Variants in IKZF2 observed in about 807,000 individuals in gnomAD.
The protein encoded by IKZF2 is zinc finger protein Helios.
A neutral mutation model predicts 49.2 loss-of-function variants in IKZF2; 15 were observed. The ratio of observed to expected loss-of-function variants is 0.30; its 90% CI spans 0.20 to 0.47. IKZF2 has a LOEUF of 0.47. Among genes scored for constraint, IKZF2 ranks in the 20% least tolerant of loss-of-function variants. IKZF2 has a pLI of 1.00. For missense variants in IKZF2, 567 were observed against 664.6 expected, an observed-to-expected ratio of 0.85 and a Z score of 1.61; for synonymous variants, 227 against 221.4, an observed-to-expected ratio of 1.03 and a Z score of -0.23.
intron 5 of IKZF2, among the ~76,000 whole-genome samples, chr2:213,052,419 G>A (rs1254768461): frequency 6.6e-6 from 1 of 151,966 alleles, no homozygotes; most frequent in Non-Finnish European, 1.5e-5. Context: ...ATAAGGCTTT[G>A]GGAGATATTG....
intron 6 of IKZF2, among the ~76,000 whole-genome samples, chr2:213,043,421 C>A (rs1462719247): frequency 6.6e-6 from 1 of 151,916 alleles, no homozygotes; most frequent in Non-Finnish European, 1.5e-5. Context: ...TGATAAATAA[C>A]AATACAATAA....
intron 8 of IKZF2, among the ~76,000 whole-genome samples, chr2:213,012,748 A>G (rs535785808): frequency 6.6e-6 from 1 of 152,122 alleles, no homozygotes; most frequent in South Asian, 2.1e-4. Flanking sequence ...GTGTTTATTG[A>G]AGTAATGGAA....
intron 4 of IKZF2, among the ~76,000 whole-genome samples, chr2:213,116,881 T>C (rs1418145695): frequency 6.6e-6 from 1 of 152,204 alleles, no homozygotes; most frequent in Non-Finnish European, 1.5e-5. Flanking sequence ...CAAAAATGTT[T>C]ATTAAAAAAC....
At chr2:213,063,653 G>T (rs1412180899) in intron 4 of IKZF2, among the ~76,000 whole-genome samples, 5 of 151,944 alleles carry the variant, frequency 3.3e-5, no homozygotes, top group Non-Finnish European at 5.9e-5. Flanking sequence ...TGACTGCATT[G>T]TAGGAAGGGT....
intron 4 of IKZF2, among the ~76,000 whole-genome samples, chr2:213,137,519 A>T (rs905991546): frequency 8.5e-5 from 13 of 152,102 alleles, no homozygotes; most frequent in Non-Finnish European, 1.0e-4. Context: ...CATTTCTAAT[A>T]GAAATAGACC....
intron 4 of IKZF2, among the ~76,000 whole-genome samples, chr2:213,069,127 C>A (rs575373963): frequency 6.6e-6 from 1 of 152,130 alleles, no homozygotes; most frequent in East Asian, 1.9e-4. Flanking sequence ...GAGTTTCCTC[C>A]CCATCTGGGA....
intron 5 of IKZF2, among the ~76,000 whole-genome samples, chr2:213,055,870 G>T (rs1701102365): frequency 6.6e-6 from 1 of 152,004 alleles, no homozygotes; most frequent in Admixed American, 6.6e-5. Flanking sequence ...TAAATTTATT[G>T]TGATTTATAT....
chr2:213,027,485 G>A (rs67863749), intron 6 of IKZF2, among the ~76,000 whole-genome samples: 33,612 of 151,976 alleles, frequency 0.22, 4,095 homozygotes, highest in Non-Finnish European at 0.26. Flanking sequence ...TCAGAGTCCA[G>A]AACAATGTCA....
At chr2:213,035,786 T>A (rs1698962759) in intron 6 of IKZF2, among the ~76,000 whole-genome samples, 1 of 152,168 alleles carries the variant, frequency 6.6e-6, no homozygotes, top group Non-Finnish European at 1.5e-5. Flanking sequence ...ATAAAAGCAA[T>A]GGAAAACCAT....
chr2:213,151,139 T>A (rs572135508), intron 1 of IKZF2, among the ~76,000 whole-genome samples: 55 of 152,158 alleles, frequency 3.6e-4, no homozygotes, highest in South Asian at 1.2e-3. Context: ...TTCAACCCGA[T>A]TCCCTGAGCG....
At position 213,124,029 on chromosome 2, in the gene IKZF2, G is replaced by A. The variant is rs1431498800; in HGVS notation, c.139+23679C>T. On this transcript the variant is annotated intron_variant, in intron 4 of 8. Coordinates refer to ENST00000434687, the MANE Select transcript of IKZF2 (RefSeq NM_001387220.1). ...TAAGAATTAGAGCTGATCAGCAATG[G>A]AACAGTAAACTTCCTTTCCTCTAGC... 4.6e-5 allele frequency among the ~76,000 whole-genome samples: 7 copies of A among 152,184 alleles called. No individual in the cohort carries two copies. The East Asian group carries it at 1.4e-3, about 29-fold the overall frequency.
intron 4 of IKZF2, among the ~76,000 whole-genome samples, chr2:213,069,030 G>A (rs1702425885): frequency 6.6e-6 from 1 of 151,970 alleles, no homozygotes; most frequent in South Asian, 2.1e-4. Context: ...ATAATGTTAT[G>A]AAGACTCTTC....
chr2:213,129,067 G>A (rs1442697699), intron 4 of IKZF2, among the ~76,000 whole-genome samples: 1 of 151,816 alleles, frequency 6.6e-6, no homozygotes, highest in Admixed American at 6.6e-5. Flanking sequence ...AAAACACTTT[G>A]TTTGCTTTAT....
Position 213,099,586 on chromosome 2 carries a change from T to C in IKZF2, c.140-42487A>G, listed in dbSNP as rs527527597. 1.4e-4 allele frequency among the ~76,000 whole-genome samples: 22 copies of C among 152,274 alleles called. 1 individual carries two copies. In the South Asian group the frequency reaches 4.2e-3, roughly 29 times the overall value. ...TTCTAGCTCTAAATAATTCCTCATA[T>C]ACAGCATGGTACACAGCTTTACCTA... On this transcript the variant is annotated intron_variant, in intron 4 of 8. Transcript: ENST00000434687.
At chr2:213,082,542 G>A (rs1223270250) in intron 4 of IKZF2, among the ~76,000 whole-genome samples, 2 of 152,034 alleles carry the variant, frequency 1.3e-5, no homozygotes, top group African/African-American at 4.8e-5. Flanking sequence ...CAAACCCTCT[G>A]ACTAAGTCAA....
At chr2:213,145,780 C>G (rs2061037025) in intron 4 of IKZF2, among the ~76,000 whole-genome samples, 1 of 152,060 alleles carries the variant, frequency 6.6e-6, no homozygotes, top group Non-Finnish European at 1.5e-5. Context: ...GGAAAAGAAC[C>G]TGAAAACACG....
chr2:213,008,501 C>G (rs988438982), intron 8 of IKZF2, among the ~76,000 whole-genome samples: 2 of 151,762 alleles, frequency 1.3e-5, no homozygotes, highest in African/African-American at 4.8e-5. Flanking sequence ...CAAAGTGTTA[C>G]GATTACAGGC....
At chr2:213,106,296 A>G (rs571629364) in intron 4 of IKZF2, among the ~76,000 whole-genome samples, 7 of 152,116 alleles carry the variant, frequency 4.6e-5, no homozygotes, top group Non-Finnish European at 1.0e-4. Context: ...TGTTTAAGAG[A>G]TCCTTGCGCC....
At chr2:213,040,755 A>G (rs1699548510) in intron 6 of IKZF2, among the ~76,000 whole-genome samples, 1 of 152,240 alleles carries the variant, frequency 6.6e-6, no homozygotes, top group Admixed American at 6.5e-5. Context: ...AATCACCTAT[A>G]AAACTGAAAA....
Sources: allele counts gnomAD v4.1 joint callset (sites outside exome capture counted in the v4.1 genomes callset), GRCh38; gene constraint gnomAD v4.1.1; transcripts MANE v1.5; gene names NCBI Gene and HGNC (gene_info 2026-07-23, HGNC 2026-07-21).